The following NTRK3 variants were observed in gnomAD, a reference collection of about 807,000 sequenced individuals.
The protein encoded by NTRK3 is NT-3 growth factor receptor.
A neutral mutation model predicts 91.7 loss-of-function variants in NTRK3; 24 were observed. The ratio of observed to expected loss-of-function variants is 0.26; its 90% CI spans 0.19 to 0.37. The LOEUF is 0.37. NTRK3 is among the 10% of genes least tolerant of loss of function. The probability of loss-of-function intolerance (pLI) is 1.00; values close to 1 mark genes in which losing one functional copy is unlikely to be tolerated. For missense variants in NTRK3, 880 were observed against 1,068.9 expected (o/e 0.82, Z 2.46); for synonymous variants, 483 against 404.0 (o/e 1.20, Z -2.34).
intron 15 of NTRK3, among the ~76,000 whole-genome samples, chr15:87,936,866 TG>T (rs2069333497): frequency 6.6e-6 from 1 of 152,242 alleles, no homozygotes; most frequent in South Asian, 2.1e-4. Flanking sequence ...GGCTTAAAAC[TG>T]GCCATTGGCT....
At chr15:88,173,765 A>C (rs2045743885) in intron 5 of NTRK3, among the ~76,000 whole-genome samples, 1 of 152,210 alleles carries the variant, frequency 6.6e-6, no homozygotes, top group Non-Finnish European at 1.5e-5. Context: ...GAAAACAGCC[A>C]AGGCTGACCA....
At chr15:88,074,468 C>A (rs1567341676) in intron 13 of NTRK3, among the ~76,000 whole-genome samples, 1 of 152,208 alleles carries the variant, frequency 6.6e-6, no homozygotes, top group Non-Finnish European at 1.5e-5. Flanking sequence ...TTGGAGAGTG[C>A]AGCTCTAGAC....
chr15:87,990,004 G>A (rs2075161906), intron 14 of NTRK3, among the ~76,000 whole-genome samples: 1 of 151,896 alleles, frequency 6.6e-6, no homozygotes, highest in South Asian at 2.1e-4. Context: ...CACTCATATT[G>A]TCTAATTTGT....
At chr15:87,985,886 TG>T (rs1405803548) in intron 14 of NTRK3, among the ~76,000 whole-genome samples, 1 of 152,100 alleles carries the variant, frequency 6.6e-6, no homozygotes. Context: ...GGAGGTGTGC[TG>T]GGGGGCCACC....
In NTRK3 at chr15:88,243,927, T is replaced by C. The variant is rs1466045723; in HGVS notation, c.248+11979A>G. On this transcript the variant is annotated intron_variant, in intron 3 of 18. Coordinates refer to ENST00000394480, the Ensembl canonical transcript of NTRK3. This position sits in a 1 kb window ranked among gnomAD's most constrained non-coding sequence, Gnocchi z 4.8. ...TGAATGCCCTCAGAAAAAAAATATC[T>C]TTAGCACCTAGCAGTTGAAGGGGAG... Among the ~76,000 whole-genome samples, 2 of 152,152 alleles carry C rather than the reference T, an allele frequency of 1.3e-5. No individual in the cohort carries two copies. Among genetic ancestry groups the C allele is most frequent in the Admixed American group, 6.5e-5 (1 of 15,276 alleles).
chr15:87,938,281 A>G (rs142551748), intron 15 of NTRK3, among the ~76,000 whole-genome samples: 1 of 152,282 alleles, frequency 6.6e-6, no homozygotes, highest in African/African-American at 2.4e-5. Context: ...TTGCCAATTG[A>G]TTTGGGAAAA....
At chr15:87,964,227 A>G (rs2141223866) in intron 14 of NTRK3, among the ~76,000 whole-genome samples, 1 of 152,288 alleles carries the variant, frequency 6.6e-6, no homozygotes, top group African/African-American at 2.4e-5. Context: ...TGGTAATGGT[A>G]GCGGTGCTAG....
chr15:88,139,876 G>T (rs1055329793), intron 6 of NTRK3, among the ~76,000 whole-genome samples: 2 of 129,218 alleles, frequency 1.5e-5, no homozygotes, highest in Non-Finnish European at 3.1e-5. Context: ...CAAGCTAGGA[G>T]CCCTGACTTC....
intron 3 of NTRK3, among the ~76,000 whole-genome samples, chr15:88,239,467 A>G (rs1273117761): frequency 6.6e-6 from 1 of 152,138 alleles, no homozygotes; most frequent in Non-Finnish European, 1.5e-5. Flanking sequence ...CTCCCAGATC[A>G]TTTTTACAAA....
chr15:87,956,430 C>T (rs1306433122), intron 14 of NTRK3, among the ~76,000 whole-genome samples: 1 of 152,178 alleles, frequency 6.6e-6, no homozygotes, highest in Non-Finnish European at 1.5e-5. Context: ...CGTGCCACCA[C>T]GCTCAGCTAA....
At chr15:88,143,292 G>A (rs757946968) in intron 6 of NTRK3, among the ~76,000 whole-genome samples, 3 of 152,196 alleles carry the variant, frequency 2.0e-5, no homozygotes, top group South Asian at 2.1e-4. Flanking sequence ...TGGCAGGCAC[G>A]TGAGATGGAG....
chr15:88,019,201 C>T (rs902113388), intron 14 of NTRK3, among the ~76,000 whole-genome samples: 103 of 152,288 alleles, frequency 6.8e-4, no homozygotes, highest in African/African-American at 1.8e-3. Flanking sequence ...AAAATGTACA[C>T]GGTATCAATG....
intron 13 of NTRK3, among the ~76,000 whole-genome samples, chr15:88,086,246 T>C (rs1220193343): frequency 6.6e-6 from 1 of 152,188 alleles, no homozygotes; most frequent in African/African-American, 2.4e-5. Flanking sequence ...CAAAAATTTT[T>C]CATTGAGCAC....
chr15:87,877,187 G>T, intron 18 of NTRK3, 67 bp from the exon 20 acceptor site: 2 of 1,543,056 alleles, frequency 1.3e-6, no homozygotes, highest in South Asian at 1.1e-5. Context: ...GCTCAGACTC[G>T]GCAAAAAGCA....
chr15:88,211,635 G>C (rs1432801156), intron 3 of NTRK3, among the ~76,000 whole-genome samples: 1 of 152,254 alleles, frequency 6.6e-6, no homozygotes, highest in African/African-American at 2.4e-5. Context: ...AGGAGTATGT[G>C]TTAACAGGAG....
intron 17 of NTRK3, among the ~76,000 whole-genome samples, chr15:87,912,931 A>AAAAATATATATAT (rs1484111389): frequency 2.7e-5 from 1 of 36,502 alleles, no homozygotes; most frequent in Non-Finnish European, 4.7e-5. Context: ...AGTAAAAAAA[A>AAAAATATATATAT]ATATATATAT....
chr15:88,018,975 G>A (rs1035354324), intron 14 of NTRK3, among the ~76,000 whole-genome samples: 2 of 151,690 alleles, frequency 1.3e-5, no homozygotes, highest in African/African-American at 4.8e-5. Context: ...CAAAAGCTAT[G>A]CTCCCAAAGG....
intron 5 of NTRK3, among the ~76,000 whole-genome samples, chr15:88,157,579 C>G (rs936963427): frequency 6.6e-6 from 1 of 152,022 alleles, no homozygotes; most frequent in Admixed American, 6.5e-5. Context: ...GCATGCTTTT[C>G]TCGGTGTCAG....
chr15:88,036,585 T>C (rs1318247635), intron 13 of NTRK3, among the ~76,000 whole-genome samples: 1 of 152,144 alleles, frequency 6.6e-6, no homozygotes, highest in Non-Finnish European at 1.5e-5. Flanking sequence ...TTTAGTATCA[T>C]AGAGAGGCAG....
Sources: gnomAD v4.1 joint callset for allele counts (sites outside exome capture counted in the v4.1 genomes callset) on GRCh38, gnomAD v4.1.1 for gene constraint, Gnocchi (gnomAD v3.1) non-coding constraint, MANE v1.5 for transcripts, NCBI Gene and HGNC (gene_info 2026-07-23, HGNC 2026-07-21) for gene names.